PPA2: variants seen among roughly 807,000 people sequenced by gnomAD.
PPA2 encodes inorganic pyrophosphatase 2, mitochondrial.
In PPA2, 48 loss-of-function variants were observed where a neutral mutation model predicts 49.5. That is an observed-to-expected ratio of 0.97 (90% CI 0.77 to 1.23). The LOEUF (loss-of-function observed/expected upper bound fraction) is 1.23, where lower values mean the gene tolerates loss of function less well. Among genes scored for constraint, PPA2 ranks in the 50% most tolerant of loss-of-function variants. The pLI is 0.00. For synonymous variants in PPA2, 131 were observed against 139.9 expected (o/e 0.94, Z 0.45); for missense variants, 429 against 410.1 (o/e 1.05, Z -0.40).
intron 7 of PPA2, among the ~76,000 whole-genome samples, chr4:105,420,614 C>A (rs1384135574): frequency 6.6e-6 from 1 of 152,038 alleles, no homozygotes; most frequent in Non-Finnish European, 1.5e-5. Context: ...AATGTTTAAA[C>A]GGTCATAAAA....
chr4:105,412,197 A>G (rs2110252251), intron 7 of PPA2, among the ~76,000 whole-genome samples: 1 of 152,350 alleles, frequency 6.6e-6, no homozygotes, highest in Admixed American at 6.5e-5. Context: ...AAACTATACT[A>G]CAAGGCTACA....
At position 105,369,451 on chromosome 4, in the gene PPA2, CT is replaced by C. The variant is rs1732933676; in HGVS notation, c.*273del. ...TACTGGCCAGGCTGGTCTTGAACTC[CT>C]GACCTTGTGATCTGCCCACCTCGGC... On this transcript the variant is annotated 3_prime_UTR_variant, in exon 12 of 12. Transcript: ENST00000341695. 2 of 371,090 alleles carry C rather than the reference CT, an allele frequency of 5.4e-6. No individual in the cohort carries two copies. Among genetic ancestry groups the C allele is most frequent in the African/African-American group, 4.2e-5 (2 of 47,578 alleles). 23.0% of individuals were successfully genotyped at this position (371,090 alleles called of 1,614,324 possible). A position where few individuals can be genotyped will look rare whatever the true frequency, so the allele number is the denominator to read the frequency against.
chr4:105,432,391 G>T (rs1723849693), intron 6 of PPA2, among the ~76,000 whole-genome samples: 1 of 152,146 alleles, frequency 6.6e-6, no homozygotes, highest in Non-Finnish European at 1.5e-5. Flanking sequence ...CAAACTTTAT[G>T]CAGAAAAACT....
At chr4:105,443,294 C>A (rs887486300) in intron 5 of PPA2, among the ~76,000 whole-genome samples, 1 of 151,868 alleles carries the variant, frequency 6.6e-6, no homozygotes, top group East Asian at 1.9e-4. Flanking sequence ...GGGCTTGAGA[C>A]ATCAGTGTGC....
At chr4:105,415,242 C>T (rs1358336476) in intron 7 of PPA2, among the ~76,000 whole-genome samples, 1 of 152,212 alleles carries the variant, frequency 6.6e-6, no homozygotes, top group Admixed American at 6.5e-5. Context: ...TCTTTCCGCC[C>T]AGGAGCCTGT....
intron 2 of PPA2, among the ~76,000 whole-genome samples, chr4:105,455,388 C>T (rs1010834154): frequency 1.3e-5 from 2 of 152,088 alleles, no homozygotes; most frequent in African/African-American, 4.8e-5. Context: ...CTTCTATTGT[C>T]CTGGAGCTGC....
intron 7 of PPA2, among the ~76,000 whole-genome samples, chr4:105,408,058 A>T (rs759154632): frequency 1.3e-5 from 2 of 150,538 alleles, no homozygotes; most frequent in African/African-American, 4.9e-5. Flanking sequence ...GAAAGAGTTC[A>T]TAATCTAGAT....
Position 105,386,620 on chromosome 4 carries a change from A to G in PPA2, c.886T>C (p.Ser296Pro), listed in dbSNP as rs749875106. The change falls in exon 10 of 12, where the codon TCT becomes CCT. Residue 296 changes from serine to proline, a missense_variant. Coordinates refer to ENST00000341695, the MANE Select transcript of PPA2 (RefSeq NM_176869.3). ...GAINCTNVQI[S>P]DSPFRCTQEE... The stretch of plus-strand genomic sequence containing the variant: ...TGAGTGCAACGGAAAGGGCTATCAG[A>G]TATCTGCACGTTTGTGCTGGAGAGG... The G allele has an allele frequency of 1.9e-6, 3 of 1,612,594 alleles. No individual in the cohort carries two copies. Among genetic ancestry groups the G allele is most frequent in the South Asian group, 1.1e-5 (1 of 91,024 alleles).
intron 4 of PPA2, among the ~76,000 whole-genome samples, chr4:105,449,141 C>T (rs1429518747): frequency 5.8e-5 from 7 of 121,360 alleles, no homozygotes; most frequent in Non-Finnish European, 9.5e-5. Flanking sequence ...GGCGTGAACC[C>T]GGGAGGCGGA....
At chr4:105,456,635 T>C (rs1722885230) in intron 2 of PPA2, 46 bp downstream of exon 2, 7 of 1,453,524 alleles carry the variant, frequency 4.8e-6, no homozygotes, top group East Asian at 4.6e-5. Context: ...CTAATGGTGA[T>C]ACTGGCAGTA....
At chr4:105,408,479 T>G (rs553824422) in intron 7 of PPA2, among the ~76,000 whole-genome samples, 2 of 152,276 alleles carry the variant, frequency 1.3e-5, no homozygotes, top group Non-Finnish European at 2.9e-5. Flanking sequence ...GGAGGCTAAT[T>G]AGAGAAATGT....
chr4:105,456,640 G>T (rs754381659), intron 2 of PPA2, 41 bp downstream of exon 2: 8 of 1,467,752 alleles, frequency 5.5e-6, no homozygotes, highest in East Asian at 4.6e-5. Flanking sequence ...GGTGATACTG[G>T]CAGTACACGT....
At chr4:105,450,848 C>T (rs1722647144) in intron 3 of PPA2, among the ~76,000 whole-genome samples, 1 of 152,036 alleles carries the variant, frequency 6.6e-6, no homozygotes, top group Non-Finnish European at 1.5e-5. Flanking sequence ...ACCTCGTGAT[C>T]CGCCCACCTC....
chr4:105,415,445 G>A (rs1722963119), intron 7 of PPA2, among the ~76,000 whole-genome samples: 2 of 152,256 alleles, frequency 1.3e-5, no homozygotes, highest in Non-Finnish European at 2.9e-5. Context: ...GGGCACACCT[G>A]GCTGCGTTGC....
At chr4:105,418,969 C>G (rs28546478) in intron 7 of PPA2, among the ~76,000 whole-genome samples, 2,379 of 152,264 alleles carry the variant, frequency 0.016, 27 homozygotes, top group Non-Finnish European at 0.021. Flanking sequence ...AAGCTCTAAA[C>G]TTGGTTATTT....
chr4:105,439,113 C>G (rs1239141350), intron 5 of PPA2, among the ~76,000 whole-genome samples: 1 of 152,084 alleles, frequency 6.6e-6, no homozygotes, highest in African/African-American at 2.4e-5. Flanking sequence ...ATCTTACATA[C>G]TGGTCATAGG....
chr4:105,454,222 GACT>G (rs1722784203), intron 2 of PPA2, among the ~76,000 whole-genome samples: 1 of 152,142 alleles, frequency 6.6e-6, no homozygotes, highest in Non-Finnish European at 1.5e-5. Context: ...ACACCAAAAT[GACT>G]ACTAATGAAG....
chr4:105,414,541 C>A (rs1016124174), intron 7 of PPA2, among the ~76,000 whole-genome samples: 1 of 152,218 alleles, frequency 6.6e-6, no homozygotes, highest in African/African-American at 2.4e-5. Flanking sequence ...GCAGCTGGAC[C>A]AGGCAAACCC....
At chr4:105,392,484 C>A (rs953031390) in intron 9 of PPA2, among the ~76,000 whole-genome samples, 2 of 151,918 alleles carry the variant, frequency 1.3e-5, no homozygotes, top group African/African-American at 4.8e-5. Context: ...ACCAGCCTGG[C>A]CAACATGGTG....
Sources: allele counts gnomAD v4.1 joint callset (sites outside exome capture counted in the v4.1 genomes callset), GRCh38; gene constraint gnomAD v4.1.1; transcripts MANE v1.5; gene names NCBI Gene and HGNC (gene_info 2026-07-23, HGNC 2026-07-21).